Variants in SMYD3 observed in about 807,000 individuals in gnomAD.
SMYD3 encodes the protein SET and MYND domain containing 3, also known as histone-lysine N-methyltransferase SMYD3.
SMYD3 carries 36 observed loss-of-function variants against 57.7 expected under a neutral mutation model. That is an observed-to-expected ratio of 0.62 (90% CI 0.48 to 0.82). The LOEUF is 0.82. SMYD3 is among the 40% of genes least tolerant of loss of function. The pLI is 0.00. For missense variants in SMYD3, 515 were observed against 538.8 expected (o/e 0.96, Z 0.44); for synonymous variants, 211 against 195.0 (o/e 1.08, Z -0.68).
intron 5 of SMYD3, among the ~76,000 whole-genome samples, chr1:246,140,217 G>C (rs966730361): frequency 1.3e-5 from 2 of 152,190 alleles, no homozygotes; most frequent in Admixed American, 6.5e-5. Context: ...AGGATGATGG[G>C]TTCTGGGGAT....
chr1:245,953,565 G>A (rs971320929), intron 5 of SMYD3, among the ~76,000 whole-genome samples: 2 of 152,044 alleles, frequency 1.3e-5, no homozygotes, highest in Non-Finnish European at 2.9e-5. Context: ...GATTATAGGC[G>A]CCTGACACCA....
intron 7 of SMYD3, among the ~76,000 whole-genome samples, chr1:245,924,065 G>C (rs143510777): frequency 1.1e-3 from 168 of 152,330 alleles, no homozygotes; most frequent in African/African-American, 3.8e-3. Context: ...TATGGCGCCA[G>C]AGAATGCTGG....
intron 5 of SMYD3, among the ~76,000 whole-genome samples, chr1:246,018,732 A>G (rs1043526505): frequency 6.6e-6 from 1 of 150,976 alleles, no homozygotes; most frequent in Non-Finnish European, 1.5e-5. Context: ...CAGCCTCCCA[A>G]GTAGCTAGGA....
chr1:246,054,522 TACACA>T (rs1231169241), intron 5 of SMYD3, among the ~76,000 whole-genome samples: 1 of 152,202 alleles, frequency 6.6e-6, no homozygotes, highest in Non-Finnish European at 1.5e-5. Flanking sequence ...GTGGTATGTC[TACACA>T]ACACAACACT....
chr1:245,756,065 G>C (rs1444967736), intron 11 of SMYD3, among the ~76,000 whole-genome samples: 1 of 148,078 alleles, frequency 6.8e-6, no homozygotes, highest in Non-Finnish European at 1.5e-5. Context: ...ACTTTATATA[G>C]TTTTGTGGTT....
chr1:246,140,747 G>A (rs562687517), intron 5 of SMYD3, among the ~76,000 whole-genome samples: 27 of 152,146 alleles, frequency 1.8e-4, no homozygotes, highest in African/African-American at 6.5e-4. Flanking sequence ...CAAGTAGTAG[G>A]GACTATAAGC....
At chr1:246,419,906 G>A (rs139208314) in intron 1 of SMYD3, among the ~76,000 whole-genome samples, 17 of 152,330 alleles carry the variant, frequency 1.1e-4, no homozygotes, top group African/African-American at 3.1e-4. Flanking sequence ...CAGCTAAAAA[G>A]TCTGTCACGA....
chr1:246,366,846 G>A (rs1055349209), intron 1 of SMYD3, among the ~76,000 whole-genome samples: 9 of 149,110 alleles, frequency 6.0e-5, no homozygotes, highest in African/African-American at 1.5e-4. Flanking sequence ...CAAGAGAATC[G>A]CTTGAACCTG....
chr1:245,890,305 G>A (rs9701262), intron 8 of SMYD3, among the ~76,000 whole-genome samples: 82,634 of 151,996 alleles, frequency 0.54, 26,818 homozygotes, highest in Non-Finnish European at 0.74. Context: ...CCCACAGAAT[G>A]GGTGAAAATA....
At chr1:246,108,488 G>A (rs1175767450) in intron 5 of SMYD3, 1 of 152,164 alleles carries the variant, frequency 6.6e-6, no homozygotes, top group African/African-American at 2.4e-5. Flanking sequence ...TTGCTTTACT[G>A]AGTTCCGGGT....
chr1:246,087,973 T>C (rs531209156), intron 5 of SMYD3, among the ~76,000 whole-genome samples: 24 of 152,232 alleles, frequency 1.6e-4, no homozygotes, highest in African/African-American at 4.1e-4. Flanking sequence ...TAAGCTTTTA[T>C]TGAAAAAACA....
chr1:246,109,725 T>G (rs1035311082), intron 5 of SMYD3: 7 of 152,222 alleles, frequency 4.6e-5, no homozygotes, highest in Non-Finnish European at 8.8e-5. Context: ...TGATAATTGA[T>G]CTCCTGGTCT....
At chr1:246,172,145 C>T (rs1481155685) in intron 5 of SMYD3, among the ~76,000 whole-genome samples, 1 of 152,204 alleles carries the variant, frequency 6.6e-6, no homozygotes, top group Non-Finnish European at 1.5e-5. Context: ...GCCTAGAACA[C>T]TCACTGTACT....
chr1:246,378,828 G>GTATATATAAATATATTA (rs1558433815), intron 1 of SMYD3, among the ~76,000 whole-genome samples: 1 of 110,344 alleles, frequency 9.1e-6, no homozygotes, highest in Admixed American at 1.3e-4. Context: ...TATTTATATA[G>GTATATATAAATATATTA]TATATATAAT....
intron 1 of SMYD3, among the ~76,000 whole-genome samples, chr1:246,423,296 C>CAAA (rs11386183): frequency 2.5e-5 from 3 of 120,248 alleles, no homozygotes; most frequent in Non-Finnish European, 3.4e-5. Context: ...GACTCCAACT[C>CAAA]AAAAAAAAAA....
chr1:246,147,844 C>T (rs565506521), intron 5 of SMYD3, among the ~76,000 whole-genome samples: 6 of 152,128 alleles, frequency 3.9e-5, no homozygotes, highest in East Asian at 1.9e-4. Context: ...GTTGGTGGAG[C>T]GTGAACTCCG....
intron 5 of SMYD3, among the ~76,000 whole-genome samples, chr1:246,167,542 G>T (rs973339607): frequency 7.0e-6 from 1 of 143,696 alleles, no homozygotes; most frequent in Admixed American, 7.3e-5. Flanking sequence ...ACGGAGTCTC[G>T]CTCTGTGGCC....
intron 5 of SMYD3, among the ~76,000 whole-genome samples, chr1:246,191,695 C>A (rs2062741154): frequency 6.6e-6 from 1 of 152,156 alleles, no homozygotes; most frequent in Non-Finnish European, 1.5e-5. Context: ...CCTGTTCAAC[C>A]ATTAATTCAT....
chr1:246,152,044 T>C (rs2148160005), intron 5 of SMYD3, among the ~76,000 whole-genome samples: 1 of 152,328 alleles, frequency 6.6e-6, no homozygotes, highest in East Asian at 1.9e-4. Flanking sequence ...GAACGCTGTT[T>C]CTGGGAGCTC....
Sources: gnomAD v4.1 joint callset for allele counts (sites outside exome capture counted in the v4.1 genomes callset) on GRCh38, gnomAD v4.1.1 for gene constraint, MANE v1.5 for transcripts, NCBI Gene and HGNC (gene_info 2026-07-23, HGNC 2026-07-21) for gene names.